CLASP1: variants seen among roughly 807,000 people sequenced by gnomAD.
The protein encoded by CLASP1 is cytoplasmic linker associated protein 1.
Under a neutral mutation model 192.3 loss-of-function variants are expected in CLASP1, and 38 were observed. The observed-to-expected ratio is 0.20, with a 90% CI of 0.15 to 0.26. The LOEUF is 0.26. CLASP1 is among the 10% of genes least tolerant of loss of function. The pLI, the probability that CLASP1 is intolerant of heterozygous loss-of-function variation, is 1.00. For synonymous variants in CLASP1, 691 were observed against 712.8 expected (o/e 0.97, Z 0.49); for missense variants, 1,433 against 1,932.5 (o/e 0.74, Z 4.85).
At chr2:121,443,352 G>A (rs2083699572) in intron 19 of CLASP1, among the ~76,000 whole-genome samples, 1 of 151,844 alleles carries the variant, frequency 6.6e-6, no homozygotes, top group Admixed American at 6.6e-5. Flanking sequence ...TGTTATATAG[G>A]CATAGAAATC....
chr2:121,514,657 G>C (rs1415579440), intron 7 of CLASP1, among the ~76,000 whole-genome samples: 1 of 152,208 alleles, frequency 6.6e-6, no homozygotes, highest in Non-Finnish European at 1.5e-5. Flanking sequence ...AGGAAGCACA[G>C]TCCACTTGTC....
At position 121,530,370 on chromosome 2, in the gene CLASP1, G is replaced by C. The variant is rs377333072; in HGVS notation, c.196-45C>G. ...GAGCCTGTTAGCAGCCGGCCTGCGGGGCAGCGCTCCCGCCCACCCGCTCCG... is the reference window on the plus strand; with the variant it reads ...GAGCCTGTTAGCAGCCGGCCTGCGGCGCAGCGCTCCCGCCCACCCGCTCCG... On this transcript the variant is annotated intron_variant, in intron 2 of 39. Transcript: ENST00000263710. 1.9e-4 allele frequency: 279 copies of C among 1,488,832 alleles called. No individual in the cohort carries two copies. The African/African-American group carries it at 2.6e-3, about 14-fold the overall frequency. 92.2% of individuals were successfully genotyped at this position (1,488,832 alleles called of 1,614,324 possible). A position where few individuals can be genotyped will look rare whatever the true frequency, so the allele number is the denominator to read the frequency against.
intron 2 of CLASP1, among the ~76,000 whole-genome samples, chr2:121,533,450 TG>T (rs1012888639): frequency 2.6e-5 from 4 of 152,164 alleles, no homozygotes; most frequent in African/African-American, 9.7e-5. Context: ...AGCTGCCTCG[TG>T]GGTTGTTGTG....
At chr2:121,433,325 G>GAA (rs1312953084) in intron 19 of CLASP1, among the ~76,000 whole-genome samples, 2 of 93,650 alleles carry the variant, frequency 2.1e-5, no homozygotes, top group Admixed American at 1.1e-4. Flanking sequence ...GTCTAAAAAA[G>GAA]AAAAAAAAAA....
intron 36 of CLASP1, 140 bp downstream of exon 37, chr2:121,364,954 G>A: frequency 1.2e-6 from 1 of 831,164 alleles, no homozygotes; most frequent in Non-Finnish European, 2.0e-6. Context: ...GAAAATATGT[G>A]AAAAATGAAC....
At chr2:121,633,389 A>G (rs1017018562) in intron 1 of CLASP1, among the ~76,000 whole-genome samples, 1 of 152,156 alleles carries the variant, frequency 6.6e-6, no homozygotes, top group Non-Finnish European at 1.5e-5. Flanking sequence ...ATCACTATTC[A>G]GAAGCAAACA....
At chr2:121,516,159 C>T (rs1201094436) in intron 6 of CLASP1, among the ~76,000 whole-genome samples, 3 of 152,168 alleles carry the variant, frequency 2.0e-5, no homozygotes, top group African/African-American at 4.8e-5. Context: ...TAAACAAATA[C>T]TTAATGAGCA....
intron 12 of CLASP1, 41 bp downstream of exon 12, chr2:121,459,939 C>T (rs1296517689): frequency 1.9e-6 from 3 of 1,552,960 alleles, no homozygotes; most frequent in Non-Finnish European, 1.7e-6. Flanking sequence ...TCTGTGGTGA[C>T]ACTATTTTAT....
chr2:121,622,230 G>A lies in CLASP1; in HGVS notation c.-285-16050C>T, dbSNP rs531785110. On this transcript the variant is annotated intron_variant, in intron 1 of 39. Coordinates refer to ENST00000263710, the Ensembl canonical transcript of CLASP1. Reference sequence around the variant, plus strand: ...AAGTCTTCCAATCCCTGAACATAGAGTATCTTTCCATTTATTTAGATCTTT... The same window carrying A: ...AAGTCTTCCAATCCCTGAACATAGAATATCTTTCCATTTATTTAGATCTTT... Among the ~76,000 whole-genome samples the A allele has an allele frequency of 8.2e-4, 124 of 152,118 alleles. No individual in the cohort carries two copies. The South Asian group carries it at 0.016, about 20-fold the overall frequency.
chr2:121,363,373 C>T (rs764178553), intron 36 of CLASP1, 73 bp from the exon 38 acceptor site: 10 of 1,579,690 alleles, frequency 6.3e-6, no homozygotes, highest in East Asian at 4.5e-5. Flanking sequence ...TCAGCAGGGT[C>T]GGCAAGGCCA....
chr2:121,605,899 G>A, exon 2 of CLASP1: 2 of 1,612,998 alleles, frequency 1.2e-6, no homozygotes, highest in South Asian at 1.1e-5. Flanking sequence ...GCTCCATAGT[G>A]GAATTCAAAT....
chr2:121,360,187 C>G (rs1047753447), intron 37 of CLASP1, among the ~76,000 whole-genome samples: 2 of 152,218 alleles, frequency 1.3e-5, no homozygotes, highest in African/African-American at 4.8e-5. Flanking sequence ...CCCATGTTAA[C>G]CTGCCGAGTC....
At chr2:121,595,042 A>C (rs986900265) in intron 2 of CLASP1, among the ~76,000 whole-genome samples, 4 of 152,228 alleles carry the variant, frequency 2.6e-5, no homozygotes, top group African/African-American at 9.6e-5. Context: ...TTTTCATTAA[A>C]GTCTAACTCA....
In CLASP1 at chr2:121,411,555, A is replaced by G. The variant is rs567189604; in HGVS notation, c.2321-586T>C. ...TTAAAATTATTTAATAATCACTAAAAAAATCTAGCACTTTCACTGAAGAAC... is the reference window on the plus strand; with the variant it reads ...TTAAAATTATTTAATAATCACTAAAGAAATCTAGCACTTTCACTGAAGAAC... On this transcript the variant is annotated intron_variant, in intron 23 of 39. Transcript: ENST00000263710. Among the ~76,000 whole-genome samples the G allele has an allele frequency of 2.2e-3, 339 of 152,338 alleles. 1 individual carries two copies. The highest frequency in any genetic ancestry group is 6.6e-3 in the African/African-American group (275 of 41,592).
chr2:121,488,621 G>A (rs1174577855), intron 8 of CLASP1, among the ~76,000 whole-genome samples: 4 of 152,182 alleles, frequency 2.6e-5, no homozygotes, highest in Non-Finnish European at 5.9e-5. Context: ...CAGTATCTGT[G>A]TTCAAAAGCT....
At chr2:121,642,689 G>A (rs549077756) in intron 1 of CLASP1, among the ~76,000 whole-genome samples, 147 of 152,180 alleles carry the variant, frequency 9.7e-4, no homozygotes, top group Non-Finnish European at 1.7e-3. Context: ...CTGAGATTGC[G>A]CCACTTCACT....
intron 8 of CLASP1, among the ~76,000 whole-genome samples, chr2:121,472,564 T>C (rs1288400180): frequency 1.3e-5 from 2 of 152,180 alleles, no homozygotes; most frequent in South Asian, 2.1e-4. Flanking sequence ...TTAAACATAG[T>C]AGCCCTACAG....
At chr2:121,559,775 A>C (rs2058913781) in intron 2 of CLASP1, among the ~76,000 whole-genome samples, 1 of 152,212 alleles carries the variant, frequency 6.6e-6, no homozygotes, top group South Asian at 2.1e-4. Flanking sequence ...AGTGGTGATG[A>C]GCATACAACT....
At chr2:121,347,134 A>G (rs372204276) in exon 39 of CLASP1, 33 of 1,577,010 alleles carry the variant, frequency 2.1e-5, no homozygotes, top group Non-Finnish European at 2.8e-5. Context: ...TACGCACACT[A>G]CTTTCGGTGT....
Sources: allele counts gnomAD v4.1 joint callset (sites outside exome capture counted in the v4.1 genomes callset), GRCh38; gene constraint gnomAD v4.1.1; transcripts MANE v1.5; gene names NCBI Gene and HGNC (gene_info 2026-07-23, HGNC 2026-07-21).